The following THTPA variants were observed in gnomAD, a reference collection of about 807,000 sequenced individuals.
THTPA encodes thiamine triphosphatase.
In THTPA, 16 loss-of-function variants were observed where a neutral mutation model predicts 16.5. The ratio of observed to expected loss-of-function variants is 0.97; its 90% CI spans 0.66 to 1.47. The LOEUF is 1.47. Among genes scored for constraint, THTPA ranks in the 40% most tolerant of loss-of-function variants. THTPA has a pLI of 0.00. For missense variants in THTPA, 281 were observed against 280.9 expected (o/e 1.00, Z 0.00); for synonymous variants, 110 against 115.5 (o/e 0.95, Z 0.30).
chr14:23,554,253 G>A (rs1011152172), upstream of THTPA, among the ~76,000 whole-genome samples: 1 of 152,084 alleles, frequency 6.6e-6, no homozygotes, highest in African/African-American at 2.4e-5. Context: ...TAACAAAACC[G>A]GAAAGCAAAA....
At chr14:23,532,199 T>G in the THTPA span, 1 of 169,372 alleles carries the variant, frequency 5.9e-6, no homozygotes, top group Non-Finnish European at 1.2e-5. Flanking sequence ...TATTGCTTGC[T>G]CTCCCCAACC....
In THTPA at chr14:23,558,604, A is replaced by G. The variant is rs1437681692; in HGVS notation, c.548-91A>G. 6.5e-6 allele frequency: 10 copies of G among 1,535,940 alleles called. No homozygotes were observed. The Admixed American group carries it at 1.1e-4, about 16-fold the overall frequency. On this transcript the variant is annotated intron_variant, in intron 1 of 1. Coordinates refer to ENST00000288014, the MANE Select transcript of THTPA (RefSeq NM_024328.6). ...AGAACCCCAGTGTGGCTTTGGAAAC[A>G]TCCACGGAGTCCTGGCTAGGTGGGC...
the THTPA span, chr14:23,533,461 C>T: frequency 6.5e-7 from 1 of 1,534,978 alleles, no homozygotes; most frequent in Non-Finnish European, 8.7e-7. The surrounding 1 kb of genome is among the most constrained non-coding windows in gnomAD (Gnocchi z 4.8). Context: ...GGGGGTAGCC[C>T]CTGGTGGGGG....
chr14:23,530,518 C>T, the THTPA span: 1 of 544,830 alleles, frequency 1.8e-6, no homozygotes, highest in South Asian at 1.6e-5. Flanking sequence ...AAATGGGAAG[C>T]CCCAGAGAAA....
At chr14:23,535,043 C>T in the THTPA span, 1 of 1,536,220 alleles carries the variant, frequency 6.5e-7, no homozygotes, top group Admixed American at 2.0e-5. The surrounding 1 kb of genome is among the most constrained non-coding windows in gnomAD (Gnocchi z 4.5). Flanking sequence ...TGCTCCTTGT[C>T]CTTTTCCACC....
rs773742841 is a variant in THTPA, at chr14:23,557,071, A to G, written c.314A>G (p.Asp105Gly). 9 of 1,614,120 alleles carry G rather than the reference A, an allele frequency of 5.6e-6. No individual in the cohort carries two copies. In the Admixed American group the frequency reaches 1.3e-4, roughly 24 times the overall value. Residue 105 changes from aspartate (D) to glycine (G), a missense_variant, in exon 1 of 2, where the codon GAT becomes GGT. Transcript: ENST00000288014. ...VLRADGLGAGDVAAVLGPLGL... is the reference protein window; with the variant it reads ...VLRADGLGAGGVAAVLGPLGL... ...CGGGCTGACGGCCTGGGGGCTGGAG[A>G]TGTGGCTGCTGTGCTGGGCCCACTG...
At chr14:23,517,576 C>T in the THTPA span, among the ~76,000 whole-genome samples, 1 of 152,286 alleles carries the variant, frequency 6.6e-6, no homozygotes, top group African/African-American at 2.4e-5. Flanking sequence ...AGAAGTTTAC[C>T]CTGTTTTTCA....
At chr14:23,521,669 T>C in the THTPA span, 1 of 398,424 alleles carries the variant, frequency 2.5e-6, no homozygotes, top group South Asian at 3.8e-5. Flanking sequence ...GGCAGACATG[T>C]ATGAATAATC....
chr14:23,527,802 T>C, the THTPA span: 1 of 1,535,242 alleles, frequency 6.5e-7, no homozygotes, highest in African/African-American at 1.4e-5. Context: ...GACAGCAGTA[T>C]ACCTGGAGGG....
At chr14:23,548,898 C>T in the THTPA span, among the ~76,000 whole-genome samples, 28 of 152,332 alleles carry the variant, frequency 1.8e-4, no homozygotes, top group African/African-American at 4.6e-4. Flanking sequence ...CTGTGTCCTC[C>T]TCACACCAGA....
In THTPA at chr14:23,557,294, C is replaced by A. The variant is rs1382905397; in HGVS notation, c.537C>A (p.Ser179Arg). 1.3e-6 allele frequency: 2 copies of A among 1,595,218 alleles called. No individual in the cohort carries two copies. The highest frequency in any genetic ancestry group is 1.7e-4 in the Middle Eastern group (1 of 5,970). Residue 179 changes from serine (S) to arginine (R), a missense_variant, in exon 1 of 2, where the codon AGC (serine) becomes AGA (arginine). Transcript: ENST00000288014. ...CCCTAGAGAAGATCCACAGGCTCAG[C>A]AGCATGCTTGGTGAGGGAGACAGGC... ...PTALEKIHRL[S>R]SMLGVPAQET...
Position 23,559,892 on chromosome 14 carries a change from T to G in THTPA, c.*1052T>G, listed in dbSNP as rs778628929. 2 of 1,611,884 alleles carry G rather than the reference T, an allele frequency of 1.2e-6. No individual in the cohort carries two copies. The highest frequency in any genetic ancestry group is 1.3e-5 in the African/African-American group (1 of 74,880). ...AGGGACCAGGGTTAGCACCCACGGC[T>G]TCTTCTATCCCTGGGTCTTGTCTTG... On this transcript the variant is annotated 3_prime_UTR_variant, in exon 2 of 2. Coordinates refer to ENST00000288014, the MANE Select transcript of THTPA (RefSeq NM_024328.6).
chr14:23,558,599 GAA>G, intron 1 of THTPA, 94 bp from the exon 2 acceptor site: 1 of 1,516,082 alleles, frequency 6.6e-7, no homozygotes, highest in Middle Eastern at 1.8e-4. Context: ...TGTGGCTTTG[GAA>G]ACATCCACGG....
the THTPA span, among the ~76,000 whole-genome samples, chr14:23,538,613 C>G: frequency 2.0e-5 from 3 of 152,086 alleles, no homozygotes; most frequent in African/African-American, 7.2e-5. Flanking sequence ...CCTTTAGTTC[C>G]TGGCTTTCCT....
the THTPA span, chr14:23,529,617 G>T: frequency 8.0e-7 from 1 of 1,253,738 alleles, no homozygotes; most frequent in Non-Finnish European, 1.1e-6. Flanking sequence ...ATAAGTCAAA[G>T]CATGACAAAA....
the THTPA span, among the ~76,000 whole-genome samples, chr14:23,549,808 C>A: frequency 6.6e-6 from 1 of 152,318 alleles, no homozygotes; most frequent in African/African-American, 2.4e-5. Context: ...TATGTGCCTT[C>A]ACAAACCATA....
At chr14:23,526,599 G>A in the THTPA span, 9 of 1,535,920 alleles carry the variant, frequency 5.9e-6, no homozygotes, top group Non-Finnish European at 7.8e-6. Flanking sequence ...CTTCCTGAGG[G>A]TTTGTCTGGG....
At chr14:23,534,314 C>T in the THTPA span, 7 of 1,535,778 alleles carry the variant, frequency 4.6e-6, no homozygotes, top group South Asian at 8.3e-5. This position sits in a 1 kb window ranked among gnomAD's most constrained non-coding sequence, Gnocchi z 4.5. Context: ...ATAACTTCTT[C>T]ATCCAGGAGG....
the THTPA span, chr14:23,513,344 A>C: frequency 6.6e-6 from 1 of 152,234 alleles, no homozygotes; most frequent in African/African-American, 2.4e-5. Flanking sequence ...GGTACCAGTC[A>C]CTGTGCATTG....
Sources: allele counts gnomAD v4.1 joint callset (sites outside exome capture counted in the v4.1 genomes callset), GRCh38; gene constraint gnomAD v4.1.1; non-coding constraint Gnocchi (gnomAD v3.1); transcripts MANE v1.5; gene names NCBI Gene and HGNC (gene_info 2026-07-23, HGNC 2026-07-21).